Variants in BBOX1 observed in about 807,000 individuals in gnomAD.
BBOX1 encodes the protein gamma-butyrobetaine hydroxylase 1.
In BBOX1, 35 loss-of-function variants were observed where a neutral mutation model predicts 41.6. The observed-to-expected ratio is 0.84, with a 90% CI of 0.64 to 1.11. BBOX1 has a LOEUF of 1.11. Among genes scored for constraint, BBOX1 ranks in the 50% most tolerant of loss-of-function variants. The probability of loss-of-function intolerance (pLI) is 0.00; values close to 1 mark genes in which losing one functional copy is unlikely to be tolerated. For synonymous variants in BBOX1, 163 were observed against 154.7 expected (o/e 1.05, Z -0.40); for missense variants, 458 against 460.6 (o/e 0.99, Z 0.05).
intron 4 of BBOX1, among the ~76,000 whole-genome samples, chr11:27,080,705 T>C (rs1857806349): frequency 6.6e-6 from 1 of 152,110 alleles, no homozygotes; most frequent in African/African-American, 2.4e-5. Context: ...AGTCCTTCTG[T>C]CTTTTCACTG....
intron 4 of BBOX1, among the ~76,000 whole-genome samples, chr11:27,058,239 T>C (rs953356358): frequency 2.6e-5 from 4 of 152,180 alleles, no homozygotes; most frequent in Admixed American, 2.0e-4. Context: ...TCCATCATGA[T>C]TGTAAGTTCC....
chr11:27,047,388 G>A (rs1307492139), intron 2 of BBOX1: 4 of 152,142 alleles, frequency 2.6e-5, no homozygotes, highest in Non-Finnish European at 5.9e-5. Context: ...AATGTTTCTT[G>A]GCACAGATGT....
chr11:27,072,831 T>C (rs1367731168), intron 4 of BBOX1, among the ~76,000 whole-genome samples: 4 of 152,244 alleles, frequency 2.6e-5, no homozygotes, highest in African/African-American at 9.6e-5. Flanking sequence ...AAGGATTCCC[T>C]ATTCAATAAA....
At chr11:27,050,031 G>T (rs1237873806) in intron 2 of BBOX1, among the ~76,000 whole-genome samples, 1 of 152,004 alleles carries the variant, frequency 6.6e-6, no homozygotes, top group South Asian at 2.1e-4. Context: ...TGATTTTTAT[G>T]TATGATGTGA....
chr11:27,116,321 G>A (rs116962703), intron 6 of BBOX1, among the ~76,000 whole-genome samples: 53 of 151,788 alleles, frequency 3.5e-4, no homozygotes, highest in African/African-American at 1.2e-3. Flanking sequence ...GGGCCTGTTG[G>A]GGGGGTTGGG....
intron 5 of BBOX1, among the ~76,000 whole-genome samples, chr11:27,101,313 T>C (rs1858646623): frequency 6.6e-6 from 1 of 152,106 alleles, no homozygotes; most frequent in Admixed American, 6.6e-5. Flanking sequence ...CACCAACCAT[T>C]TACATAAAGG....
chr11:27,092,152 AACT>A (rs1327768523), intron 4 of BBOX1, among the ~76,000 whole-genome samples: 1 of 151,964 alleles, frequency 6.6e-6, no homozygotes, highest in Non-Finnish European at 1.5e-5. Context: ...TCCAGTCCAC[AACT>A]ACTACAAGAG....
chr11:27,126,717 C>G (rs1373352020), intron 8 of BBOX1, among the ~76,000 whole-genome samples: 1 of 150,188 alleles, frequency 6.7e-6, no homozygotes, highest in Non-Finnish European at 1.5e-5. Flanking sequence ...GCTCTGTCGC[C>G]CAGGCTGGAG....
chr11:27,096,559 C>T (rs1858445554), intron 5 of BBOX1, among the ~76,000 whole-genome samples: 1 of 151,934 alleles, frequency 6.6e-6, no homozygotes, highest in African/African-American at 2.4e-5. Context: ...GACATGCCTT[C>T]CTTGGGAAAC....
chr11:27,072,749 A>G (rs924961117), intron 4 of BBOX1, among the ~76,000 whole-genome samples: 1 of 152,106 alleles, frequency 6.6e-6, no homozygotes, highest in African/African-American at 2.4e-5. Context: ...CAGAACAGAG[A>G]CCTCAGAAAT....
At chr11:27,105,431 AACT>A (rs1262511198) in intron 5 of BBOX1, among the ~76,000 whole-genome samples, 4 of 152,196 alleles carry the variant, frequency 2.6e-5, no homozygotes, top group Non-Finnish European at 5.9e-5. Context: ...ATGGCACGAG[AACT>A]ACGTGACGAA....
At chr11:27,112,687 T>G (rs1859114555) in intron 5 of BBOX1, among the ~76,000 whole-genome samples, 1 of 151,858 alleles carries the variant, frequency 6.6e-6, no homozygotes, top group Non-Finnish European at 1.5e-5. Context: ...ACGTAAAACC[T>G]AAAACTATAC....
At chr11:27,087,341 T>G (rs2134028924) in intron 4 of BBOX1, among the ~76,000 whole-genome samples, 1 of 152,140 alleles carries the variant, frequency 6.6e-6, no homozygotes, top group African/African-American at 2.4e-5. Context: ...CAACTTCCAC[T>G]CTGATCAGTC....
chr11:27,079,590 T>C (rs978212297), intron 4 of BBOX1, among the ~76,000 whole-genome samples: 1 of 152,158 alleles, frequency 6.6e-6, no homozygotes, highest in Non-Finnish European at 1.5e-5. Context: ...TCACAGTCTT[T>C]AAGCTCAAAC....
intron 4 of BBOX1, among the ~76,000 whole-genome samples, chr11:27,083,121 T>G (rs1442940): frequency 0.073 from 11,084 of 152,158 alleles, 1,345 homozygotes; most frequent in African/African-American, 0.25. Flanking sequence ...TATGTATTTC[T>G]TCATCTTTTA....
rs114362980 is a variant in BBOX1, at chr11:27,102,496, T to C, written c.533+9130T>C. On this transcript the variant is annotated intron_variant, in intron 5 of 8. Transcript: ENST00000263182. ...ACCTTGCCTTTTTCCCCAAGTGTAATGGCTTTCCTAAGTTTTATGGTGTTC... is the reference window on the plus strand; with the variant it reads ...ACCTTGCCTTTTTCCCCAAGTGTAACGGCTTTCCTAAGTTTTATGGTGTTC... 1.5e-3 allele frequency among the ~76,000 whole-genome samples: 223 copies of C among 152,172 alleles called. 1 individual carries two copies. Among genetic ancestry groups the C allele is most frequent in the African/African-American group, 5.0e-3 (209 of 41,562 alleles).
At chr11:27,062,777 G>T (rs2133975493) in intron 4 of BBOX1, among the ~76,000 whole-genome samples, 1 of 152,230 alleles carries the variant, frequency 6.6e-6, no homozygotes, top group Non-Finnish European at 1.5e-5. Flanking sequence ...TGGCCAGGAT[G>T]GTCTTGATCT....
intron 2 of BBOX1, among the ~76,000 whole-genome samples, chr11:27,043,052 T>C (rs1851381380): frequency 6.6e-6 from 1 of 152,000 alleles, no homozygotes; most frequent in Non-Finnish European, 1.5e-5. Flanking sequence ...AGCTACTAAT[T>C]TTTTATTTTT....
At chr11:27,103,890 C>T (rs1217230812) in intron 5 of BBOX1, among the ~76,000 whole-genome samples, 4 of 152,058 alleles carry the variant, frequency 2.6e-5, no homozygotes, top group Non-Finnish European at 4.4e-5. Context: ...GCTAATTTTA[C>T]GTTAAACTTG....
Sources: gnomAD v4.1 joint callset for allele counts (sites outside exome capture counted in the v4.1 genomes callset) on GRCh38, gnomAD v4.1.1 for gene constraint, MANE v1.5 for transcripts, NCBI Gene and HGNC (gene_info 2026-07-23, HGNC 2026-07-21) for gene names.